The following AVPI1 variants were observed in gnomAD, a reference collection of about 807,000 sequenced individuals.
AVPI1 encodes arginine vasopressin-induced protein 1.
A neutral mutation model predicts 11.9 loss-of-function variants in AVPI1; 9 were observed. The observed-to-expected ratio is 0.76, with a 90% CI of 0.46 to 1.32. The LOEUF (loss-of-function observed/expected upper bound fraction) is 1.32, where lower values mean the gene tolerates loss of function less well. AVPI1 is among the 40% of genes most tolerant of loss of function. The pLI, the probability that AVPI1 is intolerant of heterozygous loss-of-function variation, is 0.00. For missense variants in AVPI1, 207 were observed against 195.8 expected, an observed-to-expected ratio of 1.06 and a Z score of -0.34; for synonymous variants, 68 against 78.1, an observed-to-expected ratio of 0.87 and a Z score of 0.68.
At position 97,679,910 on chromosome 10, in the gene AVPI1, G is replaced by T. The variant is rs149042481; in HGVS notation, c.-5C>A. The T allele has an allele frequency of 6.4e-7, 1 of 1,563,400 alleles. No homozygotes were observed. Among genetic ancestry groups the T allele is most frequent in the African/African-American group, 1.3e-5 (1 of 74,548 alleles). Reference sequence around the variant, plus strand: ...CACCGAGGCTGGGGTACCCATTGTGGATGCTCTGAGGATGCAAAGCATGGA... The same window carrying T: ...CACCGAGGCTGGGGTACCCATTGTGTATGCTCTGAGGATGCAAAGCATGGA... On this transcript the variant is annotated 5_prime_UTR_variant, in exon 2 of 3. Transcript: ENST00000370626.
intron 2 of AVPI1, among the ~76,000 whole-genome samples, chr10:97,678,907 GT>G (rs2041682735): frequency 1.5e-4 from 1 of 6,824 alleles, no homozygotes; most frequent in East Asian, 2.8e-3. Context: ...GTGTGTGTGT[GT>G]GTGTGTGTGT....
intron 1 of AVPI1, among the ~76,000 whole-genome samples, chr10:97,681,871 C>G (rs1215235095): frequency 1.6e-5 from 2 of 126,144 alleles, no homozygotes; most frequent in African/African-American, 6.1e-5. Flanking sequence ...GGCGACAGAG[C>G]GAGACTCCGT....
At chr10:97,678,050 G>A in intron 2 of AVPI1, 25 bp from the exon 3 acceptor site, 1 of 1,604,200 alleles carries the variant, frequency 6.2e-7, no homozygotes, top group Admixed American at 1.7e-5. Flanking sequence ...TGTATGATTA[G>A]CCAACATCAA....
At chr10:97,682,606 C>T (rs1400668082) in intron 1 of AVPI1, among the ~76,000 whole-genome samples, 2 of 151,990 alleles carry the variant, frequency 1.3e-5, no homozygotes, top group Non-Finnish European at 2.9e-5. Context: ...ATATGACTCC[C>T]CCCCTTGCCC....
intron 2 of AVPI1, among the ~76,000 whole-genome samples, chr10:97,678,967 G>GCCA (rs2041686289): frequency 1.1e-5 from 1 of 93,126 alleles, no homozygotes; most frequent in South Asian, 3.8e-4. Context: ...GTGTGTGTGT[G>GCCA]TGTGTGTGTG....
chr10:97,686,072 C>T (rs1284278343), intron 1 of AVPI1, among the ~76,000 whole-genome samples: 2 of 152,136 alleles, frequency 1.3e-5, no homozygotes, highest in Admixed American at 6.6e-5. Context: ...TGCTTGAGCC[C>T]AGGAGTTCCA....
intron 1 of AVPI1, among the ~76,000 whole-genome samples, chr10:97,683,466 G>A (rs576565859): frequency 2.0e-4 from 30 of 152,148 alleles, no homozygotes; most frequent in Non-Finnish European, 3.4e-4. Flanking sequence ...GTCAGCCCAC[G>A]CTTTTAAACC....
At chr10:97,684,722 A>C (rs2041720711) in intron 1 of AVPI1, among the ~76,000 whole-genome samples, 1 of 150,804 alleles carries the variant, frequency 6.6e-6, no homozygotes, top group African/African-American at 2.4e-5. Context: ...CTGGTCTTGA[A>C]CTCCCGACCT....
intron 1 of AVPI1, among the ~76,000 whole-genome samples, chr10:97,686,080 C>G (rs988734534): frequency 6.6e-6 from 1 of 152,070 alleles, no homozygotes; most frequent in Non-Finnish European, 1.5e-5. Context: ...CCCAGGAGTT[C>G]CAGACCAGCC....
At chr10:97,680,782 T>G (rs556372880) in intron 1 of AVPI1, among the ~76,000 whole-genome samples, 12 of 152,188 alleles carry the variant, frequency 7.9e-5, no homozygotes, top group Non-Finnish European at 1.5e-4. Flanking sequence ...AAACATAGTA[T>G]GAAATGAGCC....
chr10:97,678,934 T>G (rs1589942556), intron 2 of AVPI1, among the ~76,000 whole-genome samples: 1 of 25,090 alleles, frequency 4.0e-5, no homozygotes, highest in Admixed American at 5.0e-4. Flanking sequence ...TGTGTGTGTG[T>G]GTGTGTGTGT....
chr10:97,678,031 G>C lies in AVPI1; in HGVS notation c.288-6C>G, dbSNP rs2041675774. ...CAGAGTGGGGCTCCAGGATTCTGCA[G>C]AGAACAAGTGTATGATTAGCCAACA... On this transcript the variant is annotated splice_polypyrimidine_tract_variant and splice_region_variant and intron_variant, in intron 2 of 2. Transcript: ENST00000370626. 1 of 1,612,642 alleles carries C rather than the reference G, an allele frequency of 6.2e-7. No homozygotes were observed.
chr10:97,686,450 T>C (rs536252725), intron 1 of AVPI1, among the ~76,000 whole-genome samples: 2 of 152,266 alleles, frequency 1.3e-5, no homozygotes, highest in African/African-American at 4.8e-5. Flanking sequence ...TCACTTAAGG[T>C]GGCACTATTG....
intron 1 of AVPI1, among the ~76,000 whole-genome samples, chr10:97,685,559 T>C (rs2041724673): frequency 6.6e-6 from 1 of 152,114 alleles, no homozygotes; most frequent in Non-Finnish European, 1.5e-5. Context: ...ATAATCTCTG[T>C]AATCAGGGGC....
rs546555662 is a variant in AVPI1 at position 97,679,549 on chromosome 10, C to G, written c.287+70G>C. 581 of 1,491,956 alleles carry G rather than the reference C, an allele frequency of 3.9e-4. 3 individuals are homozygous for G. The South Asian group carries it at 7.2e-3, about 18-fold the overall frequency. 92.4% of individuals were successfully genotyped at this position (1,491,956 alleles called of 1,614,324 possible). On this transcript the variant is annotated intron_variant, in intron 2 of 2. Coordinates refer to ENST00000370626, the MANE Select transcript of AVPI1 (RefSeq NM_021732.3). ...GTGAGGCCAAGTAACTAGCTCCAGG[C>G]CACACAGCCATGCAGTGGTGGAACA...
At chr10:97,678,682 C>G (rs1163514010) in intron 2 of AVPI1, among the ~76,000 whole-genome samples, 3 of 87,116 alleles carry the variant, frequency 3.4e-5, no homozygotes, top group African/African-American at 2.1e-4. Flanking sequence ...TTTAATTAGG[C>G]TTAAAAAAAA....
At chr10:97,684,195 ACG>A (rs1289403690) in intron 1 of AVPI1, among the ~76,000 whole-genome samples, 1 of 152,198 alleles carries the variant, frequency 6.6e-6, no homozygotes, top group Non-Finnish European at 1.5e-5. Context: ...CCCGGGGCAG[ACG>A]CCTAGGCAGG....
In AVPI1 at chr10:97,681,266, A is replaced by G. The variant is rs1034812023; in HGVS notation, c.-10-1351T>C. Among the ~76,000 whole-genome samples the G allele has an allele frequency of 2.6e-5, 4 of 152,236 alleles. 1 individual carries two copies. Among genetic ancestry groups the G allele is most frequent in the Non-Finnish European group, 5.9e-5 (4 of 68,036 alleles). On this transcript the variant is annotated intron_variant, in intron 1 of 2. Coordinates refer to ENST00000370626, the MANE Select transcript of AVPI1 (RefSeq NM_021732.3). ...ATAAAATTATATCAGTTACCCAATA[A>G]GAGGATAAATAAAAAATTTAAGAAT...
chr10:97,681,903 A>AG (rs1313078577), intron 1 of AVPI1, among the ~76,000 whole-genome samples: 2 of 151,198 alleles, frequency 1.3e-5, no homozygotes, highest in Admixed American at 6.6e-5. Flanking sequence ...AGAAAAAAAA[A>AG]AAAAAAAGAA....
Sources: allele counts gnomAD v4.1 joint callset (sites outside exome capture counted in the v4.1 genomes callset), GRCh38; gene constraint gnomAD v4.1.1; transcripts MANE v1.5; gene names NCBI Gene and HGNC (gene_info 2026-07-23, HGNC 2026-07-21).